Variants in EPC1 observed in about 807,000 individuals in gnomAD.
EPC1 encodes the protein enhancer of polycomb homolog 1.
In EPC1, 12 loss-of-function variants were observed where a neutral mutation model predicts 98.4. The ratio of observed to expected loss-of-function variants is 0.12; its 90% CI spans 0.08 to 0.20. EPC1 has a LOEUF of 0.20. EPC1 is among the 10% of genes least tolerant of loss of function. The probability of loss-of-function intolerance (pLI) is 1.00; values close to 1 mark genes in which losing one functional copy is unlikely to be tolerated. For synonymous variants in EPC1, 357 were observed against 363.9 expected, an observed-to-expected ratio of 0.98 and a Z score of 0.21; for missense variants, 729 against 990.5, an observed-to-expected ratio of 0.74 and a Z score of 3.54.
At chr10:32,271,517 C>T (rs1221450977) in intron 13 of EPC1, 37 bp downstream of exon 13, 2 of 1,595,120 alleles carry the variant, frequency 1.3e-6, no homozygotes, top group Admixed American at 1.7e-5. Context: ...AGTTAGATCT[C>T]TTATTCCAGG....
In EPC1 at chr10:32,288,493, T is replaced by C. The variant is rs573886925; in HGVS notation, c.976-1219A>G. ...TATGCTTAGGTGCTATTACTACCCA[T>C]TTACAGCAATTTGCGCTCGCTAATT... On this transcript the variant is annotated intron_variant, in intron 6 of 13. Transcript: ENST00000319778. Among the ~76,000 whole-genome samples, 8 of 151,856 alleles carry C rather than the reference T, an allele frequency of 5.3e-5. No homozygotes were observed. In the South Asian group the frequency reaches 1.5e-3, roughly 28 times the overall value.
At chr10:32,368,241 G>T (rs78372383) in intron 1 of EPC1, among the ~76,000 whole-genome samples, 1 of 152,198 alleles carries the variant, frequency 6.6e-6, no homozygotes, top group Non-Finnish European at 1.5e-5. Context: ...TGTGGGCAAT[G>T]CCTGATTTCT....
intron 1 of EPC1, among the ~76,000 whole-genome samples, chr10:32,341,331 C>CTGTGTGTGCG (rs1554824003): frequency 6.6e-6 from 1 of 151,064 alleles, no homozygotes; most frequent in Admixed American, 6.6e-5. Flanking sequence ...GTGTGTGTGT[C>CTGTGTGTGCG]TGTGTGTGTG....
chr10:32,348,890 GGGA>G (rs1839025279), upstream of EPC1, among the ~76,000 whole-genome samples: 1 of 152,198 alleles, frequency 6.6e-6, no homozygotes, highest in Non-Finnish European at 1.5e-5. Flanking sequence ...GAAGTAGCAA[GGGA>G]AGACTTTTTG....
chr10:32,289,925 T>A (rs1464749380), intron 6 of EPC1, among the ~76,000 whole-genome samples: 1 of 151,994 alleles, frequency 6.6e-6, no homozygotes, highest in South Asian at 2.1e-4. Context: ...TGCCCGGCCA[T>A]GAAAAATTTC....
rs141369683 is a variant in EPC1, at chr10:32,278,086, C to G, written c.1745-4805G>C. Among the ~76,000 whole-genome samples, 366 of 152,194 alleles carry G rather than the reference C, an allele frequency of 2.4e-3. 4 individuals carry two copies. Among genetic ancestry groups the G allele is most frequent in the Admixed American group, 5.4e-3 (82 of 15,278 alleles). On this transcript the variant is annotated intron_variant, in intron 10 of 13. Transcript: ENST00000319778. ...ATGGAGTTTAGATTACCAAAATGTACACTTTTTTTTTTTGAGAGGGAGTCT... is the reference window on the plus strand; with the variant it reads ...ATGGAGTTTAGATTACCAAAATGTAGACTTTTTTTTTTTGAGAGGGAGTCT...
At chr10:32,275,457 C>A (rs1467933580) in intron 10 of EPC1, among the ~76,000 whole-genome samples, 2 of 151,772 alleles carry the variant, frequency 1.3e-5, no homozygotes, top group Admixed American at 1.3e-4. Context: ...GATGGTGAAA[C>A]CCCGTCTCTA....
At chr10:32,319,281 T>G (rs577001568) in intron 1 of EPC1, among the ~76,000 whole-genome samples, 1 of 152,222 alleles carries the variant, frequency 6.6e-6, no homozygotes, top group South Asian at 2.1e-4. Context: ...TGGAAAAAAA[T>G]TCTTGATAGA....
At chr10:32,274,526 A>C (rs1456091417) in intron 10 of EPC1, among the ~76,000 whole-genome samples, 1 of 151,666 alleles carries the variant, frequency 6.6e-6, no homozygotes, top group African/African-American at 2.4e-5. Context: ...TATTCAAGAA[A>C]ACCTAATAAG....
chr10:32,324,722 G>T (rs1002663356), intron 1 of EPC1, among the ~76,000 whole-genome samples: 1 of 151,638 alleles, frequency 6.6e-6, no homozygotes, highest in Non-Finnish European at 1.5e-5. Flanking sequence ...AGCCGGGCGC[G>T]GTGGCTCAAG....
Position 32,305,860 on chromosome 10 carries a change from C to A in EPC1, c.225G>T (p.Pro75=), listed in dbSNP as rs41289029. The A allele has an allele frequency of 5.0e-6, 8 of 1,613,122 alleles. No homozygotes were observed. The highest frequency in any genetic ancestry group is 1.3e-5 in the African/African-American group (1 of 74,928). Residue 75 remains proline, a synonymous_variant, in exon 2 of 14, where the codon CCG becomes CCT. Coordinates refer to ENST00000319778, the MANE Select transcript of EPC1 (RefSeq NM_001272004.3). ...YGEKRDNMVI[P]VPEAESNIAY... is the part of the protein sequence containing the mutation. ...CAATATTACTTTCTGCCTCTGGGAC[C>A]GGTATAACCATATTATCCCTCTTCT...
At chr10:32,323,050 CCT>C (rs1466489739) in intron 1 of EPC1, among the ~76,000 whole-genome samples, 1 of 151,986 alleles carries the variant, frequency 6.6e-6, no homozygotes, top group Non-Finnish European at 1.5e-5. Flanking sequence ...CTCAAATTAC[CCT>C]GATTTGATCA....
At chr10:32,294,063 T>C (rs1835002044) in intron 2 of EPC1, among the ~76,000 whole-genome samples, 3 of 152,204 alleles carry the variant, frequency 2.0e-5, no homozygotes, top group Admixed American at 2.0e-4. Context: ...TTGAACCATG[T>C]GAAGTGCCAT....
chr10:32,306,047 T>G, intron 1 of EPC1, 116 bp from the exon 2 acceptor site: 1 of 880,020 alleles, frequency 1.1e-6, no homozygotes, highest in South Asian at 2.5e-5. Context: ...ATTCTAGTAG[T>G]AGATCTTAAA....
intron 1 of EPC1, among the ~76,000 whole-genome samples, chr10:32,321,932 G>A (rs1169909357): frequency 6.6e-6 from 1 of 151,540 alleles, no homozygotes; most frequent in East Asian, 1.9e-4. Context: ...AGCATCCTAG[G>A]TATAAGGATT....
Position 32,268,646 on chromosome 10 carries a change from CAATA to C in EPC1, c.*413_*416del, listed in dbSNP as rs745530426. The C allele has an allele frequency of 6.5e-6, 1 of 153,894 alleles. No individual in the cohort carries two copies. The highest frequency in any genetic ancestry group is 1.4e-5 in the Non-Finnish European group (1 of 69,228). The allele number at this position is 153,894 out of a possible 1,614,324, so 9.5% of individuals were successfully genotyped here. ...TGTACAAAAAACTGTAAACACGGCA[CAATA>C]AATAGATAAAACAGCAGGTTCCGCA... On this transcript the variant is annotated 3_prime_UTR_variant, in exon 14 of 14. Transcript: ENST00000319778.
intron 1 of EPC1, among the ~76,000 whole-genome samples, chr10:32,331,882 G>A (rs902214995): frequency 6.6e-6 from 1 of 152,126 alleles, no homozygotes; most frequent in African/African-American, 2.4e-5. Flanking sequence ...CATTTTCTCT[G>A]GCTTAAAATT....
At chr10:32,303,792 C>T (rs907861289) in intron 2 of EPC1, among the ~76,000 whole-genome samples, 1 of 152,198 alleles carries the variant, frequency 6.6e-6, no homozygotes, top group Non-Finnish European at 1.5e-5. Context: ...ATGTGGTACA[C>T]ATCTAACTGG....
intron 13 of EPC1, 162 bp from the exon 14 acceptor site, chr10:32,269,297 T>C (rs1176945647): frequency 1.8e-6 from 1 of 566,714 alleles, no homozygotes; most frequent in East Asian, 3.1e-5. Context: ...TAGTTTATTA[T>C]CAGAAATCAG....
Sources: allele counts gnomAD v4.1 joint callset (sites outside exome capture counted in the v4.1 genomes callset), GRCh38; gene constraint gnomAD v4.1.1; transcripts MANE v1.5; gene names NCBI Gene and HGNC (gene_info 2026-07-23, HGNC 2026-07-21).